Variants in ANKS1B observed in about 807,000 individuals in gnomAD.
ANKS1B encodes ankyrin repeat and sterile alpha motif domain-containing protein 1B.
ANKS1B carries 36 observed loss-of-function variants against 148.3 expected under a neutral mutation model. The observed-to-expected ratio is 0.24, with a 90% CI of 0.19 to 0.32. The LOEUF (loss-of-function observed/expected upper bound fraction) is 0.32, where lower values mean the gene tolerates loss of function less well. Ranked by LOEUF, ANKS1B falls within the 10% of genes least tolerant of loss-of-function variation. ANKS1B has a pLI of 1.00. For missense variants in ANKS1B, 1,157 were observed against 1,542.6 expected (o/e 0.75, Z 4.19); for synonymous variants, 542 against 560.8 (o/e 0.97, Z 0.47).
At chr12:99,532,243 G>A (rs1173360763) in intron 9 of ANKS1B, among the ~76,000 whole-genome samples, 1 of 152,154 alleles carries the variant, frequency 6.6e-6, no homozygotes, top group Non-Finnish European at 1.5e-5. Flanking sequence ...TGCTTTTGGG[G>A]TCTGTGCCCT....
intron 10 of ANKS1B, among the ~76,000 whole-genome samples, chr12:99,478,618 G>T (rs2096363780): frequency 1.3e-5 from 2 of 152,092 alleles, no homozygotes. Flanking sequence ...AAATATTTGT[G>T]TAGTGAGTGA....
At chr12:99,953,591 A>AG (rs1391897981) in intron 1 of ANKS1B, among the ~76,000 whole-genome samples, 1 of 144,174 alleles carries the variant, frequency 6.9e-6, no homozygotes, top group African/African-American at 2.5e-5. Flanking sequence ...TTGTTGTTTA[A>AG]GGAAAAAAAA....
chr12:98,737,609 A>ATGAATT (rs1377629367), intron 9 of ANKS1B, among the ~76,000 whole-genome samples: 1 of 152,178 alleles, frequency 6.6e-6, no homozygotes, highest in Admixed American at 6.5e-5. Context: ...GTTCCATGGG[A>ATGAATT]TGAATTTGCC....
intron 1 of ANKS1B, among the ~76,000 whole-genome samples, chr12:99,853,440 A>C (rs1456220062): frequency 2.6e-5 from 4 of 152,168 alleles, no homozygotes; most frequent in Non-Finnish European, 5.9e-5. Context: ...GTACCAGCCC[A>C]GAGCCTGGTA....
At chr12:98,746,120 G>C (rs1173973199) in intron 26 of ANKS1B, among the ~76,000 whole-genome samples, 1 of 152,210 alleles carries the variant, frequency 6.6e-6, no homozygotes, top group African/African-American at 2.4e-5. Context: ...TTTCAGTGCT[G>C]AGAGGTGAGA....
chr12:98,793,904 G>C (rs1299984778), intron 22 of ANKS1B, among the ~76,000 whole-genome samples: 1 of 152,142 alleles, frequency 6.6e-6, no homozygotes, highest in Admixed American at 6.5e-5. Context: ...GGTAAGCCTA[G>C]GGAGGCAAAA....
intron 19 of ANKS1B, among the ~76,000 whole-genome samples, chr12:98,816,123 C>T (rs1257963692): frequency 6.6e-6 from 1 of 152,116 alleles, no homozygotes; most frequent in Non-Finnish European, 1.5e-5. Context: ...TCTCTTTCTG[C>T]CTGACATGTT....
Position 99,806,595 on chromosome 12 carries a change from T to C in ANKS1B, c.478A>G (p.Lys160Glu). 1 of 1,613,962 alleles carries C rather than the reference T, an allele frequency of 6.2e-7. No individual in the cohort carries two copies. The highest frequency in any genetic ancestry group is 8.5e-7 in the Non-Finnish European group (1 of 1,179,870). Residue 160 changes from lysine (K) to glutamate (E), a missense_variant, in exon 4 of 27, where the codon AAG becomes GAG. Around this residue, in one of 6 missense-constraint regions of ANKS1B, gnomAD observed 164 missense variants for 232.6 expected, o/e 0.71. Coordinates refer to ENST00000683438, the MANE Select transcript of ANKS1B (RefSeq NM_001352186.2). ...ELTDPTIRNS[K>E]LETPLDLAAL... The stretch of plus-strand genomic sequence containing the variant: ...GCCAAGTCCAAAGGTGTTTCCAGCT[T>C]GCTATTTCTAATTGTCGGGTCAGTG...
At chr12:99,030,158 C>T (rs2099951123) in intron 17 of ANKS1B, among the ~76,000 whole-genome samples, 1 of 152,222 alleles carries the variant, frequency 6.6e-6, no homozygotes, top group South Asian at 2.1e-4. Flanking sequence ...GGGCACACGT[C>T]AAAGAGCACC....
intron 19 of ANKS1B, among the ~76,000 whole-genome samples, chr12:98,821,187 A>G (rs2099187233): frequency 6.6e-6 from 1 of 152,230 alleles, no homozygotes; most frequent in African/African-American, 2.4e-5. Context: ...TTTCACCATG[A>G]TCTCATTTCT....
chr12:99,629,502 T>C (rs1486615892), intron 9 of ANKS1B, among the ~76,000 whole-genome samples: 4 of 152,138 alleles, frequency 2.6e-5, no homozygotes, highest in African/African-American at 9.7e-5. Flanking sequence ...CTCAACACTA[T>C]TATAAACACT....
At chr12:99,387,965 G>A (rs926818680) in intron 12 of ANKS1B, among the ~76,000 whole-genome samples, 1 of 151,970 alleles carries the variant, frequency 6.6e-6, no homozygotes, top group Non-Finnish European at 1.5e-5. Flanking sequence ...ATACTTAGAA[G>A]TCCATGATAT....
At chr12:99,343,061 A>G (rs2090160827) in intron 12 of ANKS1B, among the ~76,000 whole-genome samples, 2 of 152,182 alleles carry the variant, frequency 1.3e-5, no homozygotes, top group East Asian at 3.9e-4. Context: ...AGTAGGCAGA[A>G]TCCTCAAAAT....
chr12:99,725,191 A>G (rs1347748209), intron 8 of ANKS1B, among the ~76,000 whole-genome samples: 1 of 152,240 alleles, frequency 6.6e-6, no homozygotes, highest in Non-Finnish European at 1.5e-5. Flanking sequence ...TAAATGCCCC[A>G]GTTAAAAGAC....
intron 14 of ANKS1B, among the ~76,000 whole-genome samples, chr12:99,197,048 C>T (rs1453503516): frequency 6.6e-6 from 1 of 152,056 alleles, no homozygotes; most frequent in African/African-American, 2.4e-5. Context: ...AAAGGAAAGT[C>T]TCTGGTTGAC....
intron 17 of ANKS1B, among the ~76,000 whole-genome samples, chr12:98,844,310 G>A (rs1478337483): frequency 3.3e-5 from 5 of 152,174 alleles, no homozygotes; most frequent in African/African-American, 1.2e-4. Context: ...CACAGTGCCT[G>A]GTATAAAATG....
chr12:99,614,612 A>G (rs962701494), intron 9 of ANKS1B, among the ~76,000 whole-genome samples: 1 of 151,878 alleles, frequency 6.6e-6, no homozygotes, highest in African/African-American at 2.4e-5. Flanking sequence ...CTACTTTCAC[A>G]TGACTGTTCC....
chr12:99,757,927 G>A (rs1199089088), intron 8 of ANKS1B, among the ~76,000 whole-genome samples: 1 of 151,886 alleles, frequency 6.6e-6, no homozygotes, highest in Admixed American at 6.6e-5. Flanking sequence ...CACACACTGG[G>A]GTCTACTGAA....
At chr12:98,847,594 T>C (rs1335767910) in intron 17 of ANKS1B, among the ~76,000 whole-genome samples, 1 of 25,018 alleles carries the variant, frequency 4.0e-5, no homozygotes. Flanking sequence ...CCTCAAGATC[T>C]TAATTTTTTT....
Sources: allele counts gnomAD v4.1 joint callset (sites outside exome capture counted in the v4.1 genomes callset), GRCh38; gene constraint gnomAD v4.1.1; regional missense constraint gnomAD v4.1.1; transcripts MANE v1.5; gene names NCBI Gene and HGNC (gene_info 2026-07-23, HGNC 2026-07-21).